MAPK10: variants seen among roughly 807,000 people sequenced by gnomAD.
MAPK10 encodes JNK3 alpha protein kinase.
In MAPK10, 25 loss-of-function variants were observed where a neutral mutation model predicts 59.3. That is an observed-to-expected ratio of 0.42 (90% CI 0.31 to 0.59). MAPK10 has a LOEUF of 0.59. Ranked by LOEUF, MAPK10 falls within the 20% of genes least tolerant of loss-of-function variation. The probability of loss-of-function intolerance (pLI) is 0.15; values close to 1 mark genes in which losing one functional copy is unlikely to be tolerated. For missense variants in MAPK10, 351 were observed against 568.9 expected (o/e 0.62, Z 3.90); for synonymous variants, 190 against 200.5 (o/e 0.95, Z 0.44).
intron 1 of MAPK10, among the ~76,000 whole-genome samples, chr4:86,383,276 G>C (rs1741011724): frequency 6.6e-6 from 1 of 152,066 alleles, no homozygotes; most frequent in South Asian, 2.1e-4. Context: ...CAGCCCACAA[G>C]CAGCAAATCC....
At position 86,542,572 on chromosome 4, in the gene MAPK10, C is replaced by G. The variant is rs182599646; in HGVS notation, c.-263+51338G>C. ...GATCCATGATCGCACCTGTGAATAGCCACTGCACTCTAGCCTGGGCAACGT... is the reference window on the plus strand; with the variant it reads ...GATCCATGATCGCACCTGTGAATAGGCACTGCACTCTAGCCTGGGCAACGT... On this transcript the variant is annotated intron_variant, in intron 1 of 4. Transcript: ENST00000502302. 2.1e-3 allele frequency: 317 copies of G among 154,346 alleles called. 1 individual carries two copies. The highest frequency in any genetic ancestry group is 7.3e-3 in the African/African-American group (302 of 41,566). 9.6% of individuals were successfully genotyped at this position (154,346 alleles called of 1,614,324 possible).
At chr4:86,036,077 G>A (rs2040227099) in intron 11 of MAPK10, among the ~76,000 whole-genome samples, 2 of 152,202 alleles carry the variant, frequency 1.3e-5, no homozygotes, top group Admixed American at 6.5e-5. Flanking sequence ...ATATTGCAAT[G>A]TTATAGAAGT....
intron 1 of MAPK10, among the ~76,000 whole-genome samples, chr4:86,504,391 A>G (rs1412875037): frequency 6.6e-6 from 1 of 152,160 alleles, no homozygotes; most frequent in Non-Finnish European, 1.5e-5. Context: ...CTGTGAATCC[A>G]CATCCTTCCG....
intron 11 of MAPK10, among the ~76,000 whole-genome samples, chr4:86,062,824 A>T (rs1579414864): frequency 6.6e-6 from 1 of 152,274 alleles, no homozygotes; most frequent in Non-Finnish European, 1.5e-5. Context: ...TCCCAAGAAC[A>T]TCTGTGCAAG....
intron 4 of MAPK10, among the ~76,000 whole-genome samples, chr4:86,150,420 A>G (rs1240230903): frequency 6.6e-6 from 1 of 152,190 alleles, no homozygotes; most frequent in Admixed American, 6.5e-5. Flanking sequence ...CATATAACAA[A>G]AAAATCTCAC....
At chr4:86,539,757 A>G (rs564098480) in intron 1 of MAPK10, among the ~76,000 whole-genome samples, 25 of 152,342 alleles carry the variant, frequency 1.6e-4, no homozygotes, top group African/African-American at 5.8e-4. Context: ...ATATTTTCAA[A>G]TTTTAACTTT....
intron 2 of MAPK10, among the ~76,000 whole-genome samples, chr4:86,343,352 A>C (rs1726155267): frequency 6.6e-6 from 1 of 152,196 alleles, no homozygotes; most frequent in Non-Finnish European, 1.5e-5. Context: ...AGATTCCCAG[A>C]GTCAGGTTCT....
At chr4:86,223,785 CACTT>C (rs1303120534) in intron 2 of MAPK10, among the ~76,000 whole-genome samples, 2 of 152,184 alleles carry the variant, frequency 1.3e-5, no homozygotes, top group African/African-American at 2.4e-5. Flanking sequence ...AAAGAATTCT[CACTT>C]TGCCCCAACC....
intron 1 of MAPK10, among the ~76,000 whole-genome samples, chr4:86,529,593 G>A (rs1256239215): frequency 1.3e-5 from 2 of 151,812 alleles, no homozygotes; most frequent in Non-Finnish European, 2.9e-5. Flanking sequence ...TTATTTGCTC[G>A]AGCTCCCCTC....
chr4:86,168,511 A>C (rs960452539), intron 3 of MAPK10, among the ~76,000 whole-genome samples: 1 of 152,150 alleles, frequency 6.6e-6, no homozygotes, highest in East Asian at 1.9e-4. Context: ...GCTGGGGGAG[A>C]GGCGCCCGCC....
intron 1 of MAPK10, among the ~76,000 whole-genome samples, chr4:86,371,361 C>T (rs1738724127): frequency 1.3e-5 from 2 of 152,126 alleles, no homozygotes; most frequent in South Asian, 4.2e-4. Context: ...CCACAGTGTG[C>T]CTGGGCCCAT....
At chr4:86,383,583 ATAGT>A (rs1281824848) in intron 1 of MAPK10, among the ~76,000 whole-genome samples, 1 of 152,194 alleles carries the variant, frequency 6.6e-6, no homozygotes, top group Non-Finnish European at 1.5e-5. Flanking sequence ...AACCAGTGAA[ATAGT>A]TATTGTACTT....
At chr4:86,333,559 T>C (rs751066975) in intron 2 of MAPK10, among the ~76,000 whole-genome samples, 1 of 152,210 alleles carries the variant, frequency 6.6e-6, no homozygotes, top group Non-Finnish European at 1.5e-5. Context: ...TCAGCCTTAA[T>C]CTTCCTTGAC....
intron 2 of MAPK10, among the ~76,000 whole-genome samples, chr4:86,204,224 A>G (rs2083306591): frequency 6.6e-6 from 1 of 151,998 alleles, no homozygotes; most frequent in African/African-American, 2.4e-5. Flanking sequence ...TAGCCTCGAT[A>G]GAAAGGCCAA....
At chr4:86,383,589 A>T (rs988629526) in intron 1 of MAPK10, among the ~76,000 whole-genome samples, 1 of 152,194 alleles carries the variant, frequency 6.6e-6, no homozygotes, top group Non-Finnish European at 1.5e-5. Context: ...TGAAATAGTT[A>T]TTGTACTTTT....
At chr4:86,349,397 CTTTT>C (rs1382364743) in intron 2 of MAPK10, among the ~76,000 whole-genome samples, 3 of 152,078 alleles carry the variant, frequency 2.0e-5, no homozygotes, top group African/African-American at 7.2e-5. Context: ...ATTCTTCTTT[CTTTT>C]GTCAATCATT....
chr4:86,133,036 C>A (rs759566864), intron 4 of MAPK10, among the ~76,000 whole-genome samples: 37 of 152,236 alleles, frequency 2.4e-4, no homozygotes, highest in Admixed American at 3.9e-4. Flanking sequence ...GTCCCTGGTG[C>A]CAAAAAGGTT....
chr4:86,576,897 C>T (rs1363717387), intron 1 of MAPK10, among the ~76,000 whole-genome samples: 1 of 152,136 alleles, frequency 6.6e-6, no homozygotes, highest in Non-Finnish European at 1.5e-5. Context: ...CATTTAAAAA[C>T]TCAGGAACTA....
At chr4:86,493,185 G>A (rs894252845) in intron 1 of MAPK10, among the ~76,000 whole-genome samples, 2 of 152,082 alleles carry the variant, frequency 1.3e-5, no homozygotes, top group African/African-American at 4.8e-5. Flanking sequence ...CTATAAATTT[G>A]TTCTCACCAG....
Sources: gnomAD v4.1 joint callset for allele counts (sites outside exome capture counted in the v4.1 genomes callset) on GRCh38, gnomAD v4.1.1 for gene constraint, MANE v1.5 for transcripts, NCBI Gene and HGNC (gene_info 2026-07-23, HGNC 2026-07-21) for gene names.